LHFPL3: variants seen among roughly 807,000 people sequenced by gnomAD.
LHFPL3 encodes the protein LHFPL tetraspan subfamily member 3.
A neutral mutation model predicts 19.3 loss-of-function variants in LHFPL3; 5 were observed. The ratio of observed to expected loss-of-function variants is 0.26; its 90% CI spans 0.14 to 0.54. The LOEUF (loss-of-function observed/expected upper bound fraction) is 0.54, where lower values mean the gene tolerates loss of function less well. Ranked by LOEUF, LHFPL3 falls within the 20% of genes least tolerant of loss-of-function variation. LHFPL3 has a pLI of 0.94. For missense variants in LHFPL3, 249 were observed against 307.4 expected (o/e 0.81, Z 1.42); for synonymous variants, 133 against 126.2 (o/e 1.05, Z -0.36).
At chr7:104,781,750 G>C (rs1163926046) in intron 2 of LHFPL3, among the ~76,000 whole-genome samples, 1 of 152,056 alleles carries the variant, frequency 6.6e-6, no homozygotes, top group Non-Finnish European at 1.5e-5. Flanking sequence ...ATACTGTTCA[G>C]TCCCTATACT....
intron 2 of LHFPL3, among the ~76,000 whole-genome samples, chr7:104,886,719 A>G (rs1792155235): frequency 6.6e-6 from 1 of 152,222 alleles, no homozygotes; most frequent in Non-Finnish European, 1.5e-5. Flanking sequence ...GTCCTCAAAA[A>G]TTATACATTC....
chr7:104,581,637 A>G lies in LHFPL3; in HGVS notation c.446-155038A>G, dbSNP rs183595238. On this transcript the variant is annotated intron_variant, in intron 1 of 2. Coordinates refer to ENST00000424859, the MANE Select transcript of LHFPL3 (RefSeq NM_199000.3). ...TTGTAGCTTTATTGTTTTACCTTTTACATGTGAATCTATAATCTATCTCAA... is the reference window on the plus strand; with the variant it reads ...TTGTAGCTTTATTGTTTTACCTTTTGCATGTGAATCTATAATCTATCTCAA... Among the ~76,000 whole-genome samples, 316 of 152,086 alleles carry G rather than the reference A, an allele frequency of 2.1e-3. 1 individual carries two copies. Among genetic ancestry groups the G allele is most frequent in the African/African-American group, 7.2e-3 (300 of 41,538 alleles).
chr7:104,349,322 G>A (rs1790131955), intron 1 of LHFPL3, among the ~76,000 whole-genome samples: 1 of 152,042 alleles, frequency 6.6e-6, no homozygotes, highest in Admixed American at 6.5e-5. Flanking sequence ...TTCCACTGTT[G>A]TGAAGTTTCT....
chr7:104,516,481 A>G (rs1347617018), intron 1 of LHFPL3, among the ~76,000 whole-genome samples: 1 of 152,170 alleles, frequency 6.6e-6, no homozygotes, highest in Non-Finnish European at 1.5e-5. Flanking sequence ...TATTAGCATT[A>G]CATGTAATTA....
chr7:104,874,577 G>T (rs890857321), intron 2 of LHFPL3, among the ~76,000 whole-genome samples: 3 of 151,828 alleles, frequency 2.0e-5, no homozygotes, highest in Non-Finnish European at 2.9e-5. Flanking sequence ...TGTATTTTTT[G>T]TATTTTATAT....
chr7:104,561,694 T>A (rs1790007180), intron 1 of LHFPL3, among the ~76,000 whole-genome samples: 2 of 152,052 alleles, frequency 1.3e-5, no homozygotes. Flanking sequence ...TTAAAGTTAA[T>A]ATTGTTATGT....
rs77624469 is a variant in LHFPL3, at chr7:104,413,282, C to T, written c.445+84058C>T. Among the ~76,000 whole-genome samples the T allele has an allele frequency of 7.1e-3, 1,088 of 152,262 alleles. 76 individuals carry two copies. The East Asian group carries it at 0.16, about 22-fold the overall frequency. ...ACCCACATTGACACTGGGGCCATGACATAGATATGCCATTCTCACGGTGTC... is the reference window on the plus strand; with the variant it reads ...ACCCACATTGACACTGGGGCCATGATATAGATATGCCATTCTCACGGTGTC... On this transcript the variant is annotated intron_variant, in intron 1 of 2. Coordinates refer to ENST00000424859, the MANE Select transcript of LHFPL3 (RefSeq NM_199000.3).
chr7:104,384,266 A>G (rs867059564), intron 1 of LHFPL3, among the ~76,000 whole-genome samples: 11 of 152,326 alleles, frequency 7.2e-5, no homozygotes, highest in Middle Eastern at 6.8e-3. Flanking sequence ...GAAAGATAAA[A>G]GACTAGACAG....
intron 1 of LHFPL3, among the ~76,000 whole-genome samples, chr7:104,433,376 C>T (rs76781163): frequency 1.3e-5 from 2 of 152,162 alleles, no homozygotes; most frequent in Non-Finnish European, 2.9e-5. Context: ...CCCACTCCCC[C>T]CAGGGCTCTC....
intron 1 of LHFPL3, among the ~76,000 whole-genome samples, chr7:104,604,284 G>T (rs111960757): frequency 1.3e-5 from 2 of 152,188 alleles, no homozygotes; most frequent in African/African-American, 4.8e-5. Flanking sequence ...GAAGAGTGCT[G>T]CACCAAGATT....
At chr7:104,764,217 G>A (rs771587816) in intron 2 of LHFPL3, among the ~76,000 whole-genome samples, 15 of 152,048 alleles carry the variant, frequency 9.9e-5, no homozygotes, top group Non-Finnish European at 2.1e-4. Context: ...TGCCCAGGCC[G>A]GAGTGCAGTG....
At chr7:104,469,780 C>T (rs572922654) in intron 1 of LHFPL3, among the ~76,000 whole-genome samples, 1 of 152,162 alleles carries the variant, frequency 6.6e-6, no homozygotes. Context: ...AAACTTGAAT[C>T]CATGTAGCAT....
intron 2 of LHFPL3, among the ~76,000 whole-genome samples, chr7:104,850,570 G>A (rs140430973): frequency 6.6e-6 from 1 of 152,142 alleles, no homozygotes; most frequent in Admixed American, 6.5e-5. Context: ...GCTTCCCCAG[G>A]ACAGGAAGTA....
intron 1 of LHFPL3, among the ~76,000 whole-genome samples, chr7:104,356,583 T>C (rs1790280722): frequency 6.6e-6 from 1 of 151,808 alleles, no homozygotes; most frequent in South Asian, 2.1e-4. Context: ...ACAGAACAAA[T>C]GAAAAAAAGA....
intron 1 of LHFPL3, among the ~76,000 whole-genome samples, chr7:104,697,929 A>G (rs547344817): frequency 1.3e-5 from 2 of 152,312 alleles, no homozygotes; most frequent in South Asian, 4.2e-4. Flanking sequence ...ATGACTTTCA[A>G]TTTAAATTAT....
chr7:104,538,288 C>T (rs533389727), intron 1 of LHFPL3, among the ~76,000 whole-genome samples: 3 of 152,234 alleles, frequency 2.0e-5, no homozygotes. Flanking sequence ...GAAGCCTAAC[C>T]ATGAAAGTCC....
rs148429406 is a variant in LHFPL3 at position 104,744,787 on chromosome 7, CT to C, written c.682+7878del. ...ATCTTGAAACCCTCTCTTCAGTTGG[CT>C]TCCGGTCACTGACCTTGCCTAATTT... On this transcript the variant is annotated intron_variant, in intron 2 of 2. Transcript: ENST00000424859. Among the ~76,000 whole-genome samples, 688 of 152,264 alleles carry C rather than the reference CT, an allele frequency of 4.5e-3. 29 individuals carry two copies. The East Asian group carries it at 0.099, about 22-fold the overall frequency.
At chr7:104,809,279 T>A (rs974902357) in intron 2 of LHFPL3, among the ~76,000 whole-genome samples, 1 of 152,212 alleles carries the variant, frequency 6.6e-6, no homozygotes, top group African/African-American at 2.4e-5. Context: ...AGTTTATAGA[T>A]CTTTAACATC....
At chr7:104,612,453 G>A (rs1287947238) in intron 1 of LHFPL3, among the ~76,000 whole-genome samples, 1 of 151,998 alleles carries the variant, frequency 6.6e-6, no homozygotes, top group Non-Finnish European at 1.5e-5. Context: ...AAACAAAACA[G>A]TGCACATCTC....
Sources: gnomAD v4.1 joint callset for allele counts (sites outside exome capture counted in the v4.1 genomes callset) on GRCh38, gnomAD v4.1.1 for gene constraint, MANE v1.5 for transcripts, NCBI Gene and HGNC (gene_info 2026-07-23, HGNC 2026-07-21) for gene names.